ARHGEF9: variants seen among roughly 807,000 people sequenced by gnomAD.
ARHGEF9 encodes the protein rho guanine nucleotide exchange factor 9.
Under a neutral mutation model 41.3 loss-of-function variants are expected in ARHGEF9, and 2 were observed. The ratio of observed to expected loss-of-function variants is 0.05; its 90% CI spans 0.02 to 0.15. The LOEUF (loss-of-function observed/expected upper bound fraction) is 0.15, where lower values mean the gene tolerates loss of function less well. ARHGEF9 is among the 10% of genes least tolerant of loss of function. The pLI is 1.00. For missense variants in ARHGEF9, 225 were observed against 424.7 expected (o/e 0.53, Z 4.13); for synonymous variants, 160 against 154.4 (o/e 1.04, Z -0.27).
intron 2 of ARHGEF9, among the ~76,000 whole-genome samples, chrX:63,715,716 C>G (rs1234671331): frequency 8.9e-6 from 1 of 111,988 alleles, no homozygotes; most frequent in African/African-American, 3.3e-5. Flanking sequence ...AAGTCATATG[C>G]CTCTTCCTGA....
intron 2 of ARHGEF9, among the ~76,000 whole-genome samples, chrX:63,715,627 C>T (rs1453230739): frequency 8.9e-6 from 1 of 111,960 alleles, no homozygotes; most frequent in Non-Finnish European, 1.9e-5. Context: ...CCTATTGAGG[C>T]TTTTCCCGCA....
At chrX:63,706,565 A>G in intron 2 of ARHGEF9, 116 bp from the exon 3 acceptor site, 1 of 883,976 alleles carries the variant, frequency 1.1e-6, no homozygotes, top group Non-Finnish European at 1.6e-6. Flanking sequence ...CTTCAACCAG[A>G]GACCTGTGCA....
At chrX:63,764,770 G>A (rs782126210) in intron 1 of ARHGEF9, among the ~76,000 whole-genome samples, 3 of 111,072 alleles carry the variant, frequency 2.7e-5, no homozygotes, top group Non-Finnish European at 5.7e-5. Context: ...GCTGAATGAT[G>A]AGAACACATG....
rs187842558 is a variant in ARHGEF9, at chrX:63,731,975, G to A, written c.31-7264C>T. ...TAACACTTACTCTGCAAAGGACGGG[G>A]ATGTCATTATTGCAGCTTAATTCTC... On this transcript the variant is annotated intron_variant, in intron 1 of 9. Coordinates refer to ENST00000671741, the MANE Select transcript of ARHGEF9 (RefSeq NM_001353921.2). 1.6e-4 allele frequency: 18 copies of A among 111,721 alleles called. No individual in the cohort carries two copies. In the East Asian group the frequency reaches 5.1e-3, roughly 32 times the overall value. 9.2% of individuals were successfully genotyped at this position (111,721 alleles called of 1,213,427 possible). A position where few individuals can be genotyped will look rare whatever the true frequency, so the allele number is the denominator to read the frequency against.
chrX:63,710,682 C>T (rs1222118632), intron 2 of ARHGEF9, among the ~76,000 whole-genome samples: 3 of 110,841 alleles, frequency 2.7e-5, no homozygotes, highest in African/African-American at 9.8e-5. Flanking sequence ...GGGAACTTTT[C>T]TCCAAATAAT....
chrX:63,649,754 G>A (rs1276118899), intron 8 of ARHGEF9, among the ~76,000 whole-genome samples: 2 of 110,678 alleles, frequency 1.8e-5, no homozygotes, highest in Non-Finnish European at 1.9e-5. Context: ...ATGATAAAGG[G>A]GATATCACCA....
intron 1 of ARHGEF9, among the ~76,000 whole-genome samples, chrX:63,770,253 G>A (rs1331996590): frequency 1.7e-4 from 19 of 112,598 alleles, no homozygotes; most frequent in African/African-American, 5.8e-4. Context: ...TTACATCAGC[G>A]TAACTGGAAT....
intron 4 of ARHGEF9, among the ~76,000 whole-genome samples, chrX:63,692,161 A>C (rs782759658): frequency 8.9e-6 from 1 of 112,388 alleles, no homozygotes; most frequent in East Asian, 2.8e-4. Context: ...GACTCTATTG[A>C]GTAATACCTC....
intron 3 of ARHGEF9, among the ~76,000 whole-genome samples, chrX:63,697,965 T>C (rs2051876393): frequency 9.1e-6 from 1 of 110,239 alleles, no homozygotes; most frequent in African/African-American, 3.3e-5. Context: ...CAAATATCTG[T>C]CAAACCATTT....
chrX:63,637,017 C>A lies in ARHGEF9; in HGVS notation c.*1011G>T. ...ACTAGGGGGCAGGTAAATCCCTCTC[C>A]TGGGAGGCAGAATCTCAACCTCTGC... On this transcript the variant is annotated 3_prime_UTR_variant, in exon 10 of 10. Transcript: ENST00000671741. 3.4e-6 allele frequency: 1 copy of A among 297,489 alleles called. No homozygotes were observed. Among genetic ancestry groups the A allele is most frequent in the Non-Finnish European group, 5.9e-6 (1 of 170,319 alleles). 24.5% of individuals were successfully genotyped at this position (297,489 alleles called of 1,213,427 possible). A position where few individuals can be genotyped will look rare whatever the true frequency, so the allele number is the denominator to read the frequency against.
At chrX:63,707,923 G>A (rs1320027758) in intron 2 of ARHGEF9, among the ~76,000 whole-genome samples, 3 of 111,686 alleles carry the variant, frequency 2.7e-5, no homozygotes, top group African/African-American at 9.8e-5. Context: ...AGTAAATAGG[G>A]CTCACTCTGT....
At chrX:63,690,477 G>A (rs1427606224) in intron 4 of ARHGEF9, among the ~76,000 whole-genome samples, 1 of 111,280 alleles carries the variant, frequency 9.0e-6, no homozygotes, top group Non-Finnish European at 1.9e-5. Flanking sequence ...CAAGTAACAA[G>A]ATCAAAACAG....
chrX:63,753,717 T>C lies in ARHGEF9; in HGVS notation c.31-29006A>G, dbSNP rs1486299873. ...ATTCCAAGGAAATTGACATTTTAAA[T>C]ATCTTAAAGCTTTAAGGTTCAAGAA... is the stretch of plus-strand genomic sequence containing the variant. On this transcript the variant is annotated intron_variant, in intron 1 of 9. Transcript: ENST00000671741. Among the ~76,000 whole-genome samples the C allele has an allele frequency of 2.7e-5, 3 of 111,519 alleles. No homozygotes were observed. The East Asian group carries it at 8.4e-4, about 31-fold the overall frequency.
intron 3 of ARHGEF9, chrX:63,701,557 G>A (rs1166115338): frequency 8.9e-6 from 1 of 111,926 alleles, no homozygotes; most frequent in Admixed American, 9.5e-5. Context: ...TGCTGGTGAT[G>A]ATCAAAGGTA....
At chrX:63,785,016 G>C (rs2056439360) in intron 1 of ARHGEF9, 100 bp downstream of exon 1, 1 of 1,044,027 alleles carries the variant, frequency 9.6e-7, no homozygotes, top group South Asian at 2.2e-5. Context: ...GTGGGCAGAG[G>C]CCAGGGTGCT....
chrX:63,668,741 G>C (rs2049747616), intron 6 of ARHGEF9, among the ~76,000 whole-genome samples: 1 of 112,085 alleles, frequency 8.9e-6, no homozygotes, highest in Non-Finnish European at 1.9e-5. Context: ...TACCTATCCT[G>C]TCTCCTAGTA....
At chrX:63,708,688 T>C (rs1556404566) in intron 2 of ARHGEF9, among the ~76,000 whole-genome samples, 1 of 111,813 alleles carries the variant, frequency 8.9e-6, no homozygotes, top group African/African-American at 3.3e-5. Flanking sequence ...GCCCATTCCT[T>C]AGGTTAAGAT....
intron 2 of ARHGEF9, among the ~76,000 whole-genome samples, chrX:63,714,023 T>C (rs1461492856): frequency 1.8e-5 from 2 of 111,979 alleles, no homozygotes; most frequent in Non-Finnish European, 3.8e-5. Flanking sequence ...AAAATTTTTG[T>C]TATATAACAG....
chrX:63,699,460 A>T (rs1372564823), intron 3 of ARHGEF9, among the ~76,000 whole-genome samples: 1 of 112,166 alleles, frequency 8.9e-6, no homozygotes, highest in African/African-American at 3.2e-5. Context: ...ACCAGAATTC[A>T]ACAATGATAC....
Sources: gnomAD v4.1 joint callset for allele counts (sites outside exome capture counted in the v4.1 genomes callset) on GRCh38, gnomAD v4.1.1 for gene constraint, MANE v1.5 for transcripts, NCBI Gene and HGNC (gene_info 2026-07-23, HGNC 2026-07-21) for gene names.